NOL4: variants seen among roughly 807,000 people sequenced by gnomAD.
The protein encoded by NOL4 is cancer/testis antigen 125.
Under a neutral mutation model 75.9 loss-of-function variants are expected in NOL4, and 17 were observed. That is an observed-to-expected ratio of 0.22 (90% CI 0.15 to 0.34). The LOEUF (loss-of-function observed/expected upper bound fraction) is 0.34, where lower values mean the gene tolerates loss of function less well. NOL4 is among the 10% of genes least tolerant of loss of function. The probability of loss-of-function intolerance (pLI) is 1.00; values close to 1 mark genes in which losing one functional copy is unlikely to be tolerated. For missense variants in NOL4, 614 were observed against 793.5 expected (o/e 0.77, Z 2.72); for synonymous variants, 292 against 289.9 (o/e 1.01, Z -0.07).
chr18:34,223,228 C>T lies in NOL4; in HGVS notation c.26G>A (p.Arg9His). 6.2e-7 allele frequency: 1 copy of T among 1,613,984 alleles called. No homozygotes were observed. The change falls in exon 1 of 11, where the codon CGC becomes CAC. Residue 9 changes from arginine (R) to histidine (H), a missense_variant. Coordinates refer to ENST00000261592, the MANE Select transcript of NOL4 (RefSeq NM_003787.5). Reference protein sequence around the residue: MESERDMYRQFQDWCLRTY... With the variant: MESERDMYHQFQDWCLRTY... ...CCTGAGGCACCAGTCCTGGAACTGG[C>T]GGTACATGTCGCGCTCGCTCTCCAT...
intron 5 of NOL4, among the ~76,000 whole-genome samples, chr18:34,036,948 A>C (rs2075931826): frequency 6.6e-6 from 1 of 152,142 alleles, no homozygotes; most frequent in Non-Finnish European, 1.5e-5. Context: ...ATAAATAAAT[A>C]AATAGCATCA....
At chr18:33,909,992 CAT>C (rs2066297074) in intron 9 of NOL4, among the ~76,000 whole-genome samples, 1 of 152,116 alleles carries the variant, frequency 6.6e-6, no homozygotes, top group African/African-American at 2.4e-5. Flanking sequence ...AAAAGGCAGT[CAT>C]GTGAAGACAT....
At chr18:34,093,940 G>A (rs907072623) in intron 4 of NOL4, among the ~76,000 whole-genome samples, 2 of 152,076 alleles carry the variant, frequency 1.3e-5, no homozygotes, top group African/African-American at 4.8e-5. Flanking sequence ...TACTTGGGAG[G>A]CTGAGGCAGG....
chr18:33,905,587 T>C (rs1336404067), intron 9 of NOL4, among the ~76,000 whole-genome samples: 1 of 152,170 alleles, frequency 6.6e-6, no homozygotes, highest in African/African-American at 2.4e-5. Context: ...TCTCAGTCTA[T>C]TGCCACTTCC....
At chr18:33,860,100 C>T (rs1457295981) in intron 10 of NOL4, among the ~76,000 whole-genome samples, 1 of 151,998 alleles carries the variant, frequency 6.6e-6, no homozygotes, top group Non-Finnish European at 1.5e-5. Context: ...GAAGGTGGAA[C>T]TGTCAAACAC....
chr18:34,148,297 T>C (rs1441159121), intron 1 of NOL4, among the ~76,000 whole-genome samples: 1 of 152,090 alleles, frequency 6.6e-6, no homozygotes, highest in African/African-American at 2.4e-5. Context: ...CTCTTTTAAT[T>C]GTGATGTTAG....
intron 10 of NOL4, among the ~76,000 whole-genome samples, chr18:33,881,080 C>A (rs978144632): frequency 6.6e-6 from 1 of 151,620 alleles, no homozygotes; most frequent in Non-Finnish European, 1.5e-5. Context: ...CACAATCTCA[C>A]ATCCCTTGTA....
chr18:34,078,423 T>C (rs1439564107), intron 5 of NOL4, among the ~76,000 whole-genome samples: 1 of 152,192 alleles, frequency 6.6e-6, no homozygotes, highest in Non-Finnish European at 1.5e-5. Flanking sequence ...CCATTTCTGA[T>C]GTGAAACTAG....
At chr18:33,887,623 T>C (rs1454002569) in intron 9 of NOL4, among the ~76,000 whole-genome samples, 1 of 151,486 alleles carries the variant, frequency 6.6e-6, no homozygotes, top group South Asian at 2.1e-4. Context: ...CTTGTGTCCA[T>C]GTATTCTCAT....
chr18:33,907,364 T>G (rs2066119968), intron 9 of NOL4, among the ~76,000 whole-genome samples: 1 of 143,576 alleles, frequency 7.0e-6, no homozygotes, highest in South Asian at 2.2e-4. Flanking sequence ...GAAATAATAA[T>G]AAACATTAAA....
At chr18:34,057,877 T>A (rs2076896165) in intron 5 of NOL4, among the ~76,000 whole-genome samples, 1 of 152,212 alleles carries the variant, frequency 6.6e-6, no homozygotes, top group Admixed American at 6.5e-5. Flanking sequence ...TTTAAGCTTC[T>A]ATGATTATTC....
intron 5 of NOL4, among the ~76,000 whole-genome samples, chr18:34,055,691 C>T (rs534904437): frequency 1.3e-5 from 2 of 152,146 alleles, no homozygotes; most frequent in African/African-American, 4.8e-5. Context: ...ATAAACTCTG[C>T]CCCTTTATCT....
chr18:34,135,237 A>G (rs2145940530), intron 1 of NOL4, among the ~76,000 whole-genome samples: 1 of 152,240 alleles, frequency 6.6e-6, no homozygotes, highest in South Asian at 2.1e-4. Context: ...ATCATTATTG[A>G]CCTTACAAAA....
intron 1 of NOL4, among the ~76,000 whole-genome samples, chr18:34,153,064 C>T (rs987858514): frequency 3.3e-5 from 5 of 151,668 alleles, no homozygotes. Flanking sequence ...GTTAGTTTTG[C>T]TCTTATGTGT....
chr18:34,140,565 ATG>A (rs2081102407), intron 1 of NOL4, among the ~76,000 whole-genome samples: 1 of 152,034 alleles, frequency 6.6e-6, no homozygotes, highest in African/African-American at 2.4e-5. Flanking sequence ...TTTTGAGCCT[ATG>A]TGTGTCTCTG....
Position 33,947,577 on chromosome 18 carries a change from CTCTA to C in NOL4, c.1429-4403_1429-4400del, listed in dbSNP as rs142500641. On this transcript the variant is annotated intron_variant, in intron 8 of 10. Transcript: ENST00000261592. ...CTATTTGATATCTATCTCTCTCTTT[CTCTA>C]TCTATATCTTAGAATATTTAAAATA... 3.2e-3 allele frequency among the ~76,000 whole-genome samples: 492 copies of C among 151,908 alleles called. 3 individuals carry two copies. The highest frequency in any genetic ancestry group is 0.011 in the African/African-American group (466 of 41,504).
Position 34,019,497 on chromosome 18 carries a change from C to A in NOL4, c.877G>T (p.Gly293Cys), listed in dbSNP as rs771536456. ...TCATCTTGCTCCAGCCCAGTTTTGCCATCACTGTTGGAGTCTCCCATCTCC... is the reference window on the plus strand; with the variant it reads ...TCATCTTGCTCCAGCCCAGTTTTGCAATCACTGTTGGAGTCTCCCATCTCC... ...SREMGDSNSDGKTGLEQDEQP... is the reference protein window; with the variant it reads ...SREMGDSNSDCKTGLEQDEQP... The change falls in exon 6 of 11, where the codon GGC (glycine) becomes TGC (cysteine). Residue 293 changes from glycine (G) to cysteine (C), a missense_variant. This residue lies in a region of NOL4 where 196 missense variants were observed against 167.9 expected (regional missense o/e 1.17). Transcript: ENST00000261592. The A allele has an allele frequency of 5.6e-6, 9 of 1,613,936 alleles. No individual in the cohort carries two copies.
At chr18:34,188,106 ACT>A (rs1162726584) in intron 1 of NOL4, among the ~76,000 whole-genome samples, 1 of 152,216 alleles carries the variant, frequency 6.6e-6, no homozygotes, top group Non-Finnish European at 1.5e-5. Context: ...TTTTGTAGAC[ACT>A]GTGTATCCAT....
chr18:33,962,570 G>A (rs950380162), intron 6 of NOL4, among the ~76,000 whole-genome samples: 3 of 152,112 alleles, frequency 2.0e-5, no homozygotes, highest in Non-Finnish European at 2.9e-5. Context: ...GTCAGTGGAG[G>A]AATAATAAAA....
Sources: gnomAD v4.1 joint callset for allele counts (sites outside exome capture counted in the v4.1 genomes callset) on GRCh38, gnomAD v4.1.1 for gene constraint, gnomAD v4.1.1 regional missense constraint, MANE v1.5 for transcripts, NCBI Gene and HGNC (gene_info 2026-07-23, HGNC 2026-07-21) for gene names.